ZNF462: variants seen among roughly 807,000 people sequenced by gnomAD.
ZNF462 encodes the protein zinc finger protein 462.
In ZNF462, 10 loss-of-function variants were observed where a neutral mutation model predicts 201.9. The observed-to-expected ratio is 0.05, with a 90% confidence interval of 0.03 to 0.08. The LOEUF (loss-of-function observed/expected upper bound fraction) is 0.08, where lower values mean the gene tolerates loss of function less well. Among genes scored for constraint, ZNF462 ranks in the 10% least tolerant of loss-of-function variants. ZNF462 has a pLI of 1.00. For missense variants in ZNF462, 2,523 were observed against 3,168.3 expected (o/e 0.80, Z 4.89); for synonymous variants, 1,227 against 1,193.3 (o/e 1.03, Z -0.58).
intron 11 of ZNF462, among the ~76,000 whole-genome samples, chr9:107,004,861 A>G (rs1011484490): frequency 3.3e-5 from 5 of 152,152 alleles, no homozygotes; most frequent in Non-Finnish European, 5.9e-5. Context: ...CCTTTGAACA[A>G]TATCTCCCCA....
rs575689346 is a variant in ZNF462 at position 106,974,349 on chromosome 9, C to T, written c.6832+76C>T. 8 of 1,597,824 alleles carry T rather than the reference C, an allele frequency of 5.0e-6. No individual in the cohort carries two copies. Among genetic ancestry groups the T allele is most frequent in the Admixed American group, 5.0e-5 (3 of 60,004 alleles). ...AGATGGCCTTCTAGGGATGCTCTCT[C>T]AGAGTGGCAGTAGCACCTGTGCCTT... On this transcript the variant is annotated intron_variant, in intron 9 of 12. Coordinates refer to ENST00000277225, the MANE Select transcript of ZNF462 (RefSeq NM_021224.6). The surrounding 1 kb of genome is among the most constrained non-coding windows in gnomAD (Gnocchi z 4.0).
In ZNF462 at chr9:106,925,500, T is replaced by C; in HGVS notation, c.1588T>C (p.Ser530Pro). Residue 530 changes from serine (S) to proline (P), a missense_variant, in exon 3 of 13, where the codon TCA becomes CCA. Around this residue, in one of 15 missense-constraint regions of ZNF462, gnomAD observed 383 missense variants for 453.4 expected, o/e 0.84. Transcript: ENST00000277225. This position sits in a 1 kb window ranked among gnomAD's most constrained non-coding sequence, Gnocchi z 7.9. ...GAGCTCAAGCATCAATGGTAGAAAG[T>C]CAGGAGTCATGTTGGATCCCTTGCA... ...YESSSINGRK[S>P]GVMLDPLQQQ... 1 of 1,614,068 alleles carries C rather than the reference T, an allele frequency of 6.2e-7. No individual in the cohort carries two copies. Among genetic ancestry groups the C allele is most frequent in the Non-Finnish European group, 8.5e-7 (1 of 1,180,022 alleles).
At chr9:106,990,740 A>G (rs1828208749) in intron 10 of ZNF462, among the ~76,000 whole-genome samples, 1 of 152,028 alleles carries the variant, frequency 6.6e-6, no homozygotes, top group Non-Finnish European at 1.5e-5. Flanking sequence ...TGTTAGGTTT[A>G]TGAGACTCAT....
At position 106,974,223 on chromosome 9, in the gene ZNF462, A is replaced by G; in HGVS notation, c.6782A>G (p.Tyr2261Cys). The change falls in exon 9 of 13, where the codon TAT (tyrosine) becomes TGT (cysteine). Residue 2261 changes from tyrosine (Y) to cysteine (C), a missense_variant. Physicochemically the swap from Tyr to Cys is radical, Grantham distance 194. This residue lies in a region of ZNF462 where 228 missense variants were observed against 361.2 expected (regional missense o/e 0.63). Coordinates refer to ENST00000277225, the MANE Select transcript of ZNF462 (RefSeq NM_021224.6). This position sits in a 1 kb window ranked among gnomAD's most constrained non-coding sequence, Gnocchi z 4.0. ...GATCTTCGCTGTCCTCTCTGCCTCT[A>G]TCACACCAAATACAAGCGCAACATG... ...PKDLRCPLCL[Y>C]HTKYKRNMID... is the part of the protein sequence containing the mutation. 1.9e-6 allele frequency: 3 copies of G among 1,614,090 alleles called. No homozygotes were observed. Among genetic ancestry groups the G allele is most frequent in the Non-Finnish European group, 2.5e-6 (3 of 1,180,010 alleles).
intron 10 of ZNF462, among the ~76,000 whole-genome samples, chr9:106,994,622 C>T (rs1399703582): frequency 2.0e-5 from 3 of 152,134 alleles, no homozygotes; most frequent in African/African-American, 7.2e-5. Context: ...TCTGCTTTCC[C>T]TCATGCAGTT....
In ZNF462 at chr9:106,972,282, G is replaced by A. The variant is rs183098037; in HGVS notation, c.6695+10G>A. 2.0e-5 allele frequency: 32 copies of A among 1,611,218 alleles called. No homozygotes were observed. Among genetic ancestry groups the A allele is most frequent in the African/African-American group, 8.0e-5 (6 of 74,944 alleles). On this transcript the variant is annotated intron_variant, in intron 8 of 12. Coordinates refer to ENST00000277225, the MANE Select transcript of ZNF462 (RefSeq NM_021224.6). The surrounding 1 kb of genome is among the most constrained non-coding windows in gnomAD (Gnocchi z 4.8). ...TTTACACAGGCTTTAAGTAAGTGAC[G>A]TAATGAACAGCTATGGAAAACAAGG...
rs912745478 is a variant in ZNF462 at position 106,872,137 on chromosome 9, T to G, written c.-31+8782T>G. On this transcript the variant is annotated intron_variant, in intron 1 of 12. Transcript: ENST00000277225. This position sits in a 1 kb window ranked among gnomAD's most constrained non-coding sequence, Gnocchi z 4.5. ...TAATTAGTCAGCAATTGAGCACCAA[T>G]CATTCAACCCAGATTGCCATGGGCC... 1.3e-5 allele frequency among the ~76,000 whole-genome samples: 2 copies of G among 152,148 alleles called. No homozygotes were observed. The highest frequency in any genetic ancestry group is 1.5e-5 in the Non-Finnish European group (1 of 68,024).
rs533983511 is a variant in ZNF462 at position 106,972,718 on chromosome 9, T to C, written c.6695+446T>C. Among the ~76,000 whole-genome samples the C allele has an allele frequency of 2.6e-5, 4 of 152,270 alleles. No homozygotes were observed. In the South Asian group the frequency reaches 8.3e-4, roughly 32 times the overall value. On this transcript the variant is annotated intron_variant, in intron 8 of 12. Transcript: ENST00000277225. The surrounding 1 kb of genome is among the most constrained non-coding windows in gnomAD (Gnocchi z 4.8). ...AATTCTTTAATTCTTAAGATCGTAG[T>C]ATTGAAAGACACATAGAGAATCAAG...
chr9:106,862,984 T>A (rs78981120), upstream of ZNF462: 289 of 396,060 alleles, frequency 7.3e-4, 1 homozygote, highest in African/African-American at 5.7e-3. The surrounding 1 kb of genome is among the most constrained non-coding windows in gnomAD (Gnocchi z 4.2). Flanking sequence ...TCTCTCCCCC[T>A]GGTTGCTCAT....
At chr9:106,982,925 A>G (rs1032203381) in intron 9 of ZNF462, among the ~76,000 whole-genome samples, 1 of 152,188 alleles carries the variant, frequency 6.6e-6, no homozygotes, top group Admixed American at 6.5e-5. Context: ...TGCCCTGGAA[A>G]CATTGCTATT....
At position 106,902,843 on chromosome 9, in the gene ZNF462, T is replaced by C. The variant is rs563194289; in HGVS notation, c.-30-20511T>C. Reference sequence around the variant, plus strand: ...TTCTTGGTTAATTTTGCTAATGGTCTATCAATTTTATTTATCTTCTCAAAG... The same window carrying C: ...TTCTTGGTTAATTTTGCTAATGGTCCATCAATTTTATTTATCTTCTCAAAG... On this transcript the variant is annotated intron_variant, in intron 1 of 12. Transcript: ENST00000277225. This position sits in a 1 kb window ranked among gnomAD's most constrained non-coding sequence, Gnocchi z 4.2. Among the ~76,000 whole-genome samples the C allele has an allele frequency of 6.6e-6, 1 of 152,302 alleles. No homozygotes were observed. The highest frequency in any genetic ancestry group is 2.1e-4 in the South Asian group (1 of 4,828).
chr9:107,007,233 T>G (rs754110924), intron 11 of ZNF462, among the ~76,000 whole-genome samples: 17 of 152,156 alleles, frequency 1.1e-4, no homozygotes, highest in Non-Finnish European at 1.8e-4. Context: ...TCTGCTCCCC[T>G]ATGACTCCTT....
At chr9:106,898,919 A>G (rs1043502397) in intron 1 of ZNF462, among the ~76,000 whole-genome samples, 1 of 152,172 alleles carries the variant, frequency 6.6e-6, no homozygotes, top group African/African-American at 2.4e-5. Flanking sequence ...GTTTGTGAAA[A>G]GGAGGAATTA....
At chr9:106,986,124 A>G (rs1827813870) in intron 10 of ZNF462, among the ~76,000 whole-genome samples, 1 of 152,234 alleles carries the variant, frequency 6.6e-6, no homozygotes, top group Admixed American at 6.5e-5. Context: ...CAAATCAGAA[A>G]GAAGATTCTT....
chr9:106,868,210 G>C (rs1225361102), intron 1 of ZNF462, among the ~76,000 whole-genome samples: 2 of 152,160 alleles, frequency 1.3e-5, no homozygotes, highest in African/African-American at 2.4e-5. Context: ...ACAGAGAGGA[G>C]AGTAGATAAT....
intron 1 of ZNF462, among the ~76,000 whole-genome samples, chr9:106,904,077 GTTTAAGA>G (rs1829168001): frequency 1.3e-5 from 2 of 151,962 alleles, no homozygotes; most frequent in African/African-American, 4.8e-5. Context: ...TGTTTCCAGG[GTTTAAGA>G]TTTAGAGTTC....
chr9:106,899,243 G>GTA (rs1828950067), intron 1 of ZNF462, among the ~76,000 whole-genome samples: 1 of 106,658 alleles, frequency 9.4e-6, no homozygotes, highest in African/African-American at 5.2e-5. Context: ...TGTGTGTGGG[G>GTA]GGGGGGGGGT....
chr9:106,965,520 G>A (rs1001726489), intron 7 of ZNF462, among the ~76,000 whole-genome samples: 3 of 152,008 alleles, frequency 2.0e-5, no homozygotes, highest in Non-Finnish European at 4.4e-5. Flanking sequence ...CATGAGGCAT[G>A]TCTCTGATGC....
intron 1 of ZNF462, among the ~76,000 whole-genome samples, chr9:106,912,522 G>A (rs938825832): frequency 1.3e-5 from 2 of 152,134 alleles, no homozygotes; most frequent in East Asian, 1.9e-4. Context: ...GAGAATATAC[G>A]GGGCATGGAC....
Sources: allele counts gnomAD v4.1 joint callset (sites outside exome capture counted in the v4.1 genomes callset), GRCh38; gene constraint gnomAD v4.1.1; regional missense constraint gnomAD v4.1.1; non-coding constraint Gnocchi (gnomAD v3.1); transcripts MANE v1.5; gene names NCBI Gene and HGNC (gene_info 2026-07-23, HGNC 2026-07-21).